The following TRAPPC12 variants were observed in gnomAD, a reference collection of about 807,000 sequenced individuals.
TRAPPC12 encodes the protein trafficking protein particle complex subunit 12.
A neutral mutation model predicts 69.2 loss-of-function variants in TRAPPC12; 61 were observed. The ratio of observed to expected loss-of-function variants is 0.88; its 90% CI spans 0.72 to 1.09. The LOEUF (loss-of-function observed/expected upper bound fraction) is 1.09. TRAPPC12 is among the 50% of genes least tolerant of loss of function. The probability of loss-of-function intolerance (pLI) is 0.00; values close to 1 mark genes in which losing one functional copy is unlikely to be tolerated. For synonymous variants in TRAPPC12, 469 were observed against 438.9 expected (o/e 1.07, Z -0.86); for missense variants, 1,101 against 1,016.4 (o/e 1.08, Z -1.13).
rs1036286581 is a variant in TRAPPC12 at position 3,388,466 on chromosome 2, G to A, written c.843G>A (p.Ala281=). 1.2e-6 allele frequency: 2 copies of A among 1,611,968 alleles called. No individual in the cohort carries two copies. The highest frequency in any genetic ancestry group is 1.3e-5 in the African/African-American group (1 of 75,018). The part of the protein sequence containing the change: ...AAPPASPEPF[A]HIQAVFAGSD... Reference sequence around the variant, plus strand: ...CCCCGGCGTCGCCAGAGCCTTTCGCGCACATCCAGGCAGTGTTTGCAGGGA... The same window carrying A: ...CCCCGGCGTCGCCAGAGCCTTTCGCACACATCCAGGCAGTGTTTGCAGGGA... Residue 281 remains alanine (A), a synonymous_variant, in exon 2 of 12, where the codon GCG becomes GCA. Transcript: ENST00000324266.
At chr2:3,473,244 G>A (rs1209786920) in intron 9 of TRAPPC12, among the ~76,000 whole-genome samples, 2 of 152,212 alleles carry the variant, frequency 1.3e-5, no homozygotes, top group Non-Finnish European at 2.9e-5. Flanking sequence ...CTCACGCCGG[G>A]ACGGGAAGAG....
Position 3,388,184 on chromosome 2 carries a change from C to G in TRAPPC12, c.561C>G (p.Gly187=). ...TGGTGAAGTCGCCCAGCTTCGGTGG[C>G]GCCAGCGAGGCCTCGGCCAGGACAC... ...PQMVKSPSFG[G]ASEASARTPP... The change falls in exon 2 of 12, where the codon GGC becomes GGG. Residue 187 remains glycine (G), a synonymous_variant. Coordinates refer to ENST00000324266, the MANE Select transcript of TRAPPC12 (RefSeq NM_016030.6). 1 of 1,608,820 alleles carries G rather than the reference C, an allele frequency of 6.2e-7. No homozygotes were observed. Among genetic ancestry groups the G allele is most frequent in the Non-Finnish European group, 8.5e-7 (1 of 1,177,712 alleles).
intron 9 of TRAPPC12, among the ~76,000 whole-genome samples, chr2:3,466,657 G>GCC (rs1309049280): frequency 6.6e-6 from 1 of 152,104 alleles, no homozygotes; most frequent in African/African-American, 2.4e-5. Flanking sequence ...CCTGCACGCC[G>GCC]CCTGCTTGTG....
intron 9 of TRAPPC12, among the ~76,000 whole-genome samples, chr2:3,475,242 GGCCACACCTGGTGCTTACA>G (rs546157585): frequency 0.031 from 4,677 of 151,832 alleles, 153 homozygotes; most frequent in South Asian, 0.095. Flanking sequence ...CAGTGCTTAC[GGCCACACCTGGTGCTTACA>G]GCCACACCTG....
chr2:3,387,906 G>A lies in TRAPPC12; in HGVS notation c.283G>A (p.Gly95Arg), dbSNP rs765954685. ...LGRVRDEAEP[G>R]GEGDPGPEPA... is the part of the protein sequence containing the mutation. The stretch of plus-strand genomic sequence containing the variant: ...CCGAGTGCGGGACGAAGCTGAGCCC[G>A]GAGGGGAAGGCGACCCAGGCCCGGA... The change falls in exon 2 of 12, where the codon GGA (glycine) becomes AGA (arginine). Residue 95 changes from glycine to arginine, a missense_variant. Physicochemically the swap from Gly to Arg is moderately radical, Grantham distance 125. Transcript: ENST00000324266. The A allele has an allele frequency of 6.5e-7, 1 of 1,548,416 alleles. No homozygotes were observed. Among genetic ancestry groups the A allele is most frequent in the Non-Finnish European group, 8.7e-7 (1 of 1,146,398 alleles).
chr2:3,436,453 T>C (rs1239633778), intron 5 of TRAPPC12, among the ~76,000 whole-genome samples: 1 of 152,128 alleles, frequency 6.6e-6, no homozygotes, highest in Non-Finnish European at 1.5e-5. Context: ...AAAAATCGAG[T>C]AGAGAGTTCT....
intron 3 of TRAPPC12, among the ~76,000 whole-genome samples, chr2:3,404,074 T>C (rs75331610): frequency 0.014 from 2,166 of 152,288 alleles, 16 homozygotes; most frequent in Non-Finnish European, 0.023. Flanking sequence ...TCAGTATGGA[T>C]TGGGGACTGC....
At chr2:3,422,545 T>C (rs1662870452) in intron 4 of TRAPPC12, among the ~76,000 whole-genome samples, 1 of 152,234 alleles carries the variant, frequency 6.6e-6, no homozygotes, top group Non-Finnish European at 1.5e-5. Flanking sequence ...GGGAGTTTTT[T>C]AACTGTTCTT....
intron 10 of TRAPPC12, 99 bp downstream of exon 10, chr2:3,477,894 C>T: frequency 1.5e-6 from 1 of 648,682 alleles, no homozygotes. Context: ...AGGCGCTTCT[C>T]CCTGTATCTC....
intron 5 of TRAPPC12, among the ~76,000 whole-genome samples, chr2:3,431,217 G>A (rs1663417960): frequency 6.6e-6 from 1 of 152,366 alleles, no homozygotes; most frequent in African/African-American, 2.4e-5. Context: ...ACAGTGGGAT[G>A]CACTTAACGT....
chr2:3,395,503 G>A (rs1043121592), intron 2 of TRAPPC12, among the ~76,000 whole-genome samples: 2 of 151,174 alleles, frequency 1.3e-5, no homozygotes, highest in African/African-American at 2.4e-5. Flanking sequence ...TTTAATTTTG[G>A]GGTGCAGGTA....
At chr2:3,404,019 G>A (rs1287167095) in intron 3 of TRAPPC12, among the ~76,000 whole-genome samples, 1 of 152,146 alleles carries the variant, frequency 6.6e-6, no homozygotes, top group Non-Finnish European at 1.5e-5. Flanking sequence ...TCCTTATTAT[G>A]TGTGGTCTTG....
At chr2:3,402,262 A>C (rs1258835858) in intron 3 of TRAPPC12, among the ~76,000 whole-genome samples, 1 of 152,166 alleles carries the variant, frequency 6.6e-6, no homozygotes, top group African/African-American at 2.4e-5. Flanking sequence ...ATTTCTGAAC[A>C]TTTTTAAGCT....
chr2:3,418,946 C>A (rs1244881716), intron 3 of TRAPPC12, among the ~76,000 whole-genome samples: 5 of 152,176 alleles, frequency 3.3e-5, no homozygotes, highest in Non-Finnish European at 7.4e-5. Context: ...AGCCTCTCCT[C>A]ATCCACACCT....
intron 3 of TRAPPC12, among the ~76,000 whole-genome samples, chr2:3,415,487 C>T (rs1246230755): frequency 6.9e-6 from 1 of 145,412 alleles, no homozygotes; most frequent in Admixed American, 6.8e-5. Flanking sequence ...CTCACTGCAA[C>T]CTCTCTCCCA....
chr2:3,401,235 A>T (rs1486853700), intron 2 of TRAPPC12, among the ~76,000 whole-genome samples: 1 of 152,198 alleles, frequency 6.6e-6, no homozygotes, highest in African/African-American at 2.4e-5. Flanking sequence ...AGAGAGGGCC[A>T]TTGGTAATTT....
chr2:3,422,312 T>TG (rs1304284637), intron 4 of TRAPPC12, among the ~76,000 whole-genome samples: 4 of 152,006 alleles, frequency 2.6e-5, no homozygotes, highest in Non-Finnish European at 2.9e-5. Flanking sequence ...CTCTGGGGCG[T>TG]GTCTGGGCCC....
At chr2:3,450,178 G>A (rs956113904) in intron 6 of TRAPPC12, among the ~76,000 whole-genome samples, 4 of 152,184 alleles carry the variant, frequency 2.6e-5, no homozygotes, top group African/African-American at 9.7e-5. Context: ...AAAACCAAAT[G>A]CACCAAATGT....
At chr2:3,462,528 A>T (rs1558403034) in intron 8 of TRAPPC12, among the ~76,000 whole-genome samples, 1 of 152,250 alleles carries the variant, frequency 6.6e-6, no homozygotes, top group Admixed American at 6.5e-5. Context: ...GAGTTATTTA[A>T]TCAGCCATTT....
Sources: gnomAD v4.1 joint callset for allele counts (sites outside exome capture counted in the v4.1 genomes callset) on GRCh38, gnomAD v4.1.1 for gene constraint, MANE v1.5 for transcripts, NCBI Gene and HGNC (gene_info 2026-07-23, HGNC 2026-07-21) for gene names.